EFCAB6: variants seen among roughly 807,000 people sequenced by gnomAD.
The protein encoded by EFCAB6 is EF-hand calcium-binding domain-containing protein 6.
Under a neutral mutation model 169.8 loss-of-function variants are expected in EFCAB6, and 156 were observed. The ratio of observed to expected loss-of-function variants is 0.92; its 90% CI spans 0.81 to 1.05. EFCAB6 has a LOEUF of 1.05. Ranked by LOEUF, EFCAB6 falls within the 50% of genes least tolerant of loss-of-function variation. The pLI, the probability that EFCAB6 is intolerant of heterozygous loss-of-function variation, is 0.00. For missense variants in EFCAB6, 1,800 were observed against 1,829.1 expected (o/e 0.98, Z 0.29); for synonymous variants, 698 against 676.4 (o/e 1.03, Z -0.50).
intron 17 of EFCAB6, among the ~76,000 whole-genome samples, chr22:43,646,612 T>C (rs2056174306): frequency 6.6e-6 from 1 of 152,154 alleles, no homozygotes; most frequent in Non-Finnish European, 1.5e-5. Context: ...AGTAAGGAAA[T>C]ATAGAAGAAG....
intron 24 of EFCAB6, among the ~76,000 whole-genome samples, chr22:43,587,882 G>T (rs5764598): frequency 1.3e-5 from 2 of 152,168 alleles, no homozygotes; most frequent in East Asian, 3.9e-4. Context: ...GTCTTCTCTC[G>T]TTGGGTTGCC....
At chr22:43,633,335 G>C (rs544858807) in intron 18 of EFCAB6, among the ~76,000 whole-genome samples, 43 of 152,188 alleles carry the variant, frequency 2.8e-4, no homozygotes, top group Non-Finnish European at 5.7e-4. Context: ...GGATCACAAG[G>C]TCAAGAGATC....
chr22:43,542,873 G>A (rs1221467835), intron 27 of EFCAB6, among the ~76,000 whole-genome samples: 2 of 152,268 alleles, frequency 1.3e-5, no homozygotes, highest in East Asian at 1.9e-4. Flanking sequence ...TGGGCAAGAC[G>A]CTGCTGGACT....
At chr22:43,690,067 G>C (rs925049499) in intron 10 of EFCAB6, among the ~76,000 whole-genome samples, 2 of 152,156 alleles carry the variant, frequency 1.3e-5, no homozygotes, top group African/African-American at 4.8e-5. Context: ...CACCCAGCCA[G>C]ATATCCACCC....
At chr22:43,745,729 A>T (rs1457999634) in intron 6 of EFCAB6, among the ~76,000 whole-genome samples, 1 of 152,204 alleles carries the variant, frequency 6.6e-6, no homozygotes, top group Admixed American at 6.5e-5. Context: ...TAAACACATC[A>T]ATGCTCATTT....
chr22:43,683,724 A>C, intron 12 of EFCAB6, 23 bp downstream of exon 12: 37 of 1,520,420 alleles, frequency 2.4e-5, no homozygotes, highest in Non-Finnish European at 3.0e-5. Flanking sequence ...GTGTTTCACA[A>C]GAGAAGGCTT....
rs769464339 is a variant in EFCAB6, at chr22:43,537,537, C to T, written c.3888G>A (p.Ala1296=). The change falls in exon 29 of 32, where the codon GCG becomes GCA. Residue 1296 remains alanine, a synonymous_variant. Transcript: ENST00000262726. This position sits in a 1 kb window ranked among gnomAD's most constrained non-coding sequence, Gnocchi z 4.3. ...SKSQSHPCTP[A]STTVIPGTPP... Reference sequence around the variant, plus strand: ...GAGTGCCCGGGATCACGGTGGTGCTCGCTGGAGTCTAGCAGGGAAGAAAAG... The same window carrying T: ...GAGTGCCCGGGATCACGGTGGTGCTTGCTGGAGTCTAGCAGGGAAGAAAAG... 46 of 1,613,134 alleles carry T rather than the reference C, an allele frequency of 2.9e-5. 1 individual carries two copies. Among genetic ancestry groups the T allele is most frequent in the South Asian group, 6.6e-5 (6 of 91,008 alleles).
chr22:43,538,509 C>A (rs1301672072), intron 28 of EFCAB6, among the ~76,000 whole-genome samples: 35 of 152,242 alleles, frequency 2.3e-4, no homozygotes. Context: ...CTGCCTCAGC[C>A]TCCCAAGTAG....
intron 20 of EFCAB6, among the ~76,000 whole-genome samples, chr22:43,616,761 G>A (rs1250134680): frequency 6.6e-6 from 1 of 152,188 alleles, no homozygotes; most frequent in East Asian, 1.9e-4. Flanking sequence ...CTAGGCCACA[G>A]TAAAGCACAG....
At chr22:43,553,545 T>C (rs532223464) in intron 27 of EFCAB6, 2 of 152,484 alleles carry the variant, frequency 1.3e-5, no homozygotes, top group South Asian at 2.1e-4. Context: ...CAGCATGTAC[T>C]GAGCACCCAC....
chr22:43,772,717 G>A (rs1367955537), intron 4 of EFCAB6, among the ~76,000 whole-genome samples, 175 bp downstream of exon 4: 5 of 151,756 alleles, frequency 3.3e-5, no homozygotes, highest in African/African-American at 1.2e-4. Context: ...ATATGACCGA[G>A]TAGCTGTTGA....
chr22:43,543,292 T>C (rs899830140), intron 27 of EFCAB6, among the ~76,000 whole-genome samples: 1 of 152,108 alleles, frequency 6.6e-6, no homozygotes. Context: ...CAGGCTGCCA[T>C]GTCAGTCTAG....
chr22:43,631,504 G>A (rs1602745832), intron 19 of EFCAB6, among the ~76,000 whole-genome samples: 1 of 151,914 alleles, frequency 6.6e-6, no homozygotes, highest in South Asian at 2.1e-4. Context: ...TCCTTTCCTG[G>A]CCAGCCCAGG....
intron 2 of EFCAB6, among the ~76,000 whole-genome samples, chr22:43,786,454 G>A (rs998072958): frequency 1.2e-4 from 18 of 152,282 alleles, no homozygotes; most frequent in African/African-American, 4.1e-4. Flanking sequence ...GGGCACAGTG[G>A]CTCACGCCTG....
At chr22:43,676,083 A>G (rs2057743715) in intron 13 of EFCAB6, among the ~76,000 whole-genome samples, 1 of 152,000 alleles carries the variant, frequency 6.6e-6, no homozygotes, top group Admixed American at 6.6e-5. Flanking sequence ...GGCTCATCAT[A>G]TAACGTGAAG....
At chr22:43,695,468 A>G (rs933578087) in intron 10 of EFCAB6, among the ~76,000 whole-genome samples, 2 of 152,052 alleles carry the variant, frequency 1.3e-5, no homozygotes, top group African/African-American at 2.4e-5. Context: ...TTTCAAAAAC[A>G]TATACTGACA....
intron 8 of EFCAB6, among the ~76,000 whole-genome samples, chr22:43,723,836 G>A (rs767935170): frequency 1.9e-4 from 29 of 152,216 alleles, no homozygotes; most frequent in Non-Finnish European, 3.8e-4. Flanking sequence ...GCCCTGCACC[G>A]GAATGTGGGG....
intron 20 of EFCAB6, among the ~76,000 whole-genome samples, chr22:43,624,979 A>G (rs1040486710): frequency 2.6e-5 from 4 of 152,206 alleles, no homozygotes; most frequent in Non-Finnish European, 5.9e-5. Flanking sequence ...ATGTTAGGCA[A>G]TCAAGTCTCA....
chr22:43,634,502 G>A (rs889548145), intron 18 of EFCAB6, among the ~76,000 whole-genome samples: 1 of 152,188 alleles, frequency 6.6e-6, no homozygotes, highest in Non-Finnish European at 1.5e-5. Flanking sequence ...CAGGGTATGT[G>A]CAGCAAAAGA....
Sources: allele counts gnomAD v4.1 joint callset (sites outside exome capture counted in the v4.1 genomes callset), GRCh38; gene constraint gnomAD v4.1.1; non-coding constraint Gnocchi (gnomAD v3.1); transcripts MANE v1.5; gene names NCBI Gene and HGNC (gene_info 2026-07-23, HGNC 2026-07-21).